Variants in SH3YL1 observed in about 807,000 individuals in gnomAD.
SH3YL1 encodes the protein SH3 and SYLF domain containing 1, also known as SH3 domain-containing YSC84-like protein 1.
Under a neutral mutation model 45.8 loss-of-function variants are expected in SH3YL1, and 41 were observed. That is an observed-to-expected ratio of 0.89 (90% CI 0.70 to 1.16). The LOEUF (loss-of-function observed/expected upper bound fraction) is 1.16. Ranked by LOEUF, SH3YL1 falls within the 50% of genes most tolerant of loss-of-function variation. The pLI is 0.00. For missense variants in SH3YL1, 389 were observed against 409.6 expected, an observed-to-expected ratio of 0.95 and a Z score of 0.43; for synonymous variants, 152 against 151.4, an observed-to-expected ratio of 1.00 and a Z score of -0.03.
At position 224,925 on chromosome 2, in the gene SH3YL1, C is replaced by A. The variant is rs1667730164; in HGVS notation, c.782-5G>T. ...GCTTATATTCATTTCTGTTACCTGCCAAAAAAGAGGAGAGTGGTGATTTTG... is the reference window on the plus strand; with the variant it reads ...GCTTATATTCATTTCTGTTACCTGCAAAAAAAGAGGAGAGTGGTGATTTTG... On this transcript the variant is annotated splice_polypyrimidine_tract_variant and splice_region_variant and intron_variant, in intron 8 of 9. Transcript: ENST00000356150. 6.2e-7 allele frequency: 1 copy of A among 1,606,744 alleles called. No individual in the cohort carries two copies. Among genetic ancestry groups the A allele is most frequent in the Non-Finnish European group, 8.5e-7 (1 of 1,174,264 alleles).
chr2:242,704 G>C, intron 4 of SH3YL1: 1 of 1,378,010 alleles, frequency 7.3e-7, no homozygotes, highest in Non-Finnish European at 9.4e-7. Flanking sequence ...TAAAAAGGCA[G>C]AGATTATTAG....
At chr2:252,974 G>A (rs1227144259) in intron 2 of SH3YL1, 31 bp downstream of exon 2, 3 of 1,312,330 alleles carry the variant, frequency 2.3e-6, no homozygotes, top group Non-Finnish European at 3.2e-6. Flanking sequence ...AAGACATTTA[G>A]AGACAAACAG....
chr2:258,194 G>A (rs1219800233), intron 1 of SH3YL1, among the ~76,000 whole-genome samples: 1 of 152,178 alleles, frequency 6.6e-6, no homozygotes, highest in African/African-American at 2.4e-5. Flanking sequence ...TGTGAAGAAT[G>A]ATATTGGTAG....
intron 4 of SH3YL1, among the ~76,000 whole-genome samples, chr2:242,337 G>A (rs1668579616): frequency 6.6e-6 from 1 of 151,910 alleles, no homozygotes; most frequent in Non-Finnish European, 1.5e-5. Flanking sequence ...ATTGCTGAGT[G>A]TGTATCATAT....
chr2:257,813 T>C (rs1669412035), intron 1 of SH3YL1, among the ~76,000 whole-genome samples: 1 of 152,194 alleles, frequency 6.6e-6, no homozygotes, highest in African/African-American at 2.4e-5. Context: ...TTAATCCATC[T>C]TGAATTGTTT....
Position 263,993 on chromosome 2 carries a change from C to T in SH3YL1, c.-9G>A. On this transcript the variant is annotated 5_prime_UTR_variant, in exon 1 of 10. Coordinates refer to ENST00000356150, the MANE Select transcript of SH3YL1 (RefSeq NM_015677.4). Reference sequence around the variant, plus strand: ...GTCCCCGGGTACTCACTGCTGCCCGCCCGGCCGCGGCGCCCCGTCCCGAGG... The same window carrying T: ...GTCCCCGGGTACTCACTGCTGCCCGTCCGGCCGCGGCGCCCCGTCCCGAGG... 4.1e-6 allele frequency: 6 copies of T among 1,459,016 alleles called. No homozygotes were observed. Among genetic ancestry groups the T allele is most frequent in the Non-Finnish European group, 5.5e-6 (6 of 1,100,228 alleles). 90.4% of individuals were successfully genotyped at this position (1,459,016 alleles called of 1,614,324 possible).
intron 4 of SH3YL1, among the ~76,000 whole-genome samples, chr2:244,940 C>T (rs906531468): frequency 1.3e-5 from 2 of 151,990 alleles, no homozygotes; most frequent in Non-Finnish European, 2.9e-5. Flanking sequence ...TCAGGAAGGA[C>T]GTGTCTACCC....
At chr2:261,799 C>T (rs1669600948) in intron 1 of SH3YL1, among the ~76,000 whole-genome samples, 1 of 152,170 alleles carries the variant, frequency 6.6e-6, no homozygotes, top group Admixed American at 6.5e-5. Context: ...CCACCACTTT[C>T]CTTACCAGAG....
In SH3YL1 at chr2:234,189, G is replaced by A. The variant is rs751382667; in HGVS notation, c.375C>T (p.Asn125=). 1 of 1,614,038 alleles carries A rather than the reference G, an allele frequency of 6.2e-7. No individual in the cohort carries two copies. The highest frequency in any genetic ancestry group is 2.2e-5 in the East Asian group (1 of 44,872). Residue 125 remains asparagine (N), a synonymous_variant, in exon 5 of 10, where the codon AAC becomes AAT. Transcript: ENST00000356150. ...AKGGNLTLGG[N]LTVAVGPLGR... ...CCAAGGGCCCAACCGCCACAGTCAA[G>A]TTCCCTCCGAGGGTCAGATTTCCGC...
At chr2:228,704 C>A (rs1030992850) in intron 8 of SH3YL1, among the ~76,000 whole-genome samples, 32 of 151,982 alleles carry the variant, frequency 2.1e-4, no homozygotes, top group Non-Finnish European at 4.3e-4. Context: ...ACGGCTTATC[C>A]CAGAAGAACA....
At chr2:220,103 C>T (rs1667508471) in intron 9 of SH3YL1, among the ~76,000 whole-genome samples, 1 of 150,480 alleles carries the variant, frequency 6.6e-6, no homozygotes, top group South Asian at 2.1e-4. Context: ...TAATTCTGTG[C>T]ATAAATTAGG....
rs1295639581 is a variant in SH3YL1, at chr2:264,022, C to T, written c.-38G>A. On this transcript the variant is annotated 5_prime_UTR_variant, in exon 1 of 10. Coordinates refer to ENST00000356150, the MANE Select transcript of SH3YL1 (RefSeq NM_015677.4). ...GCCGCGGCGCCCCGTCCCGAGGCTGCCCAGGAAGAGGAAGGCGCGCTGCCC... is the reference window on the plus strand; with the variant it reads ...GCCGCGGCGCCCCGTCCCGAGGCTGTCCAGGAAGAGGAAGGCGCGCTGCCC... 1.4e-6 allele frequency: 2 copies of T among 1,411,330 alleles called. No homozygotes were observed. The highest frequency in any genetic ancestry group is 1.9e-6 in the Non-Finnish European group (2 of 1,076,120). 87.4% of individuals were successfully genotyped at this position (1,411,330 alleles called of 1,614,324 possible).
chr2:230,051 G>A lies in SH3YL1; in HGVS notation c.703-7C>T. Reference sequence around the variant, plus strand: ...TTGGAGGTAATTCTTTAGCCTGGGAGAAACAAAAAGATAAATACACATAAT... The same window carrying A: ...TTGGAGGTAATTCTTTAGCCTGGGAAAAACAAAAAGATAAATACACATAAT... On this transcript the variant is annotated splice_polypyrimidine_tract_variant and splice_region_variant and intron_variant, in intron 7 of 9. Coordinates refer to ENST00000356150, the MANE Select transcript of SH3YL1 (RefSeq NM_015677.4). 1 of 1,587,902 alleles carries A rather than the reference G, an allele frequency of 6.3e-7. No individual in the cohort carries two copies. Among genetic ancestry groups the A allele is most frequent in the Admixed American group, 1.8e-5 (1 of 55,464 alleles).
intron 8 of SH3YL1, among the ~76,000 whole-genome samples, chr2:228,829 T>G (rs1029182881): frequency 5.3e-5 from 8 of 152,168 alleles, no homozygotes; most frequent in Non-Finnish European, 1.2e-4. Context: ...AAGAATCATA[T>G]GAGGGACTTG....
chr2:219,357 A>G (rs2103013757), intron 9 of SH3YL1, among the ~76,000 whole-genome samples: 1 of 152,276 alleles, frequency 6.6e-6, no homozygotes, highest in South Asian at 2.1e-4. Context: ...TGATGGTGTT[A>G]GAAGTGGGGT....
rs927151550 is a variant in SH3YL1 at position 218,687 on chromosome 2, C to T, written c.*124G>A. ...ATAGAAAAACAAAATCTTTTACATA[C>T]GGAATGGAAATTTTGTAGAACAGAA... On this transcript the variant is annotated 3_prime_UTR_variant, in exon 10 of 10. Transcript: ENST00000356150. 16 of 800,162 alleles carry T rather than the reference C, an allele frequency of 2.0e-5. No individual in the cohort carries two copies. The highest frequency in any genetic ancestry group is 8.7e-5 in the African/African-American group (5 of 57,222). 49.6% of individuals were successfully genotyped at this position (800,162 alleles called of 1,614,324 possible).
chr2:260,392 T>C (rs527326927), intron 1 of SH3YL1: 1 of 152,346 alleles, frequency 6.6e-6, no homozygotes, highest in South Asian at 2.1e-4. Context: ...TGGAGTGGAT[T>C]GGGTGACCCG....
intron 4 of SH3YL1, among the ~76,000 whole-genome samples, chr2:238,460 A>T (rs184233293): frequency 2.0e-5 from 3 of 152,182 alleles, no homozygotes; most frequent in African/African-American, 7.2e-5. Flanking sequence ...TTTATCCTCA[A>T]CTTAAACCCA....
At position 218,845 on chromosome 2, in the gene SH3YL1, C is replaced by T; in HGVS notation, c.995G>A (p.Gly332Asp). ...WWEGKLRGQT[G>D]IFPANYVTMN ...GGTTACGTAGTTGGCTGGAAAAATG[C>T]CAGTTTGACCTCGAAGTTTTCCTTC... Residue 332 changes from glycine (G) to aspartate (D), a missense_variant, in exon 10 of 10, where the codon GGC (glycine) becomes GAC (aspartate). By Grantham distance (94) the Gly-to-Asp change is moderately conservative. Coordinates refer to ENST00000356150, the MANE Select transcript of SH3YL1 (RefSeq NM_015677.4). The T allele has an allele frequency of 1.2e-6, 2 of 1,613,518 alleles. No homozygotes were observed. The highest frequency in any genetic ancestry group is 1.7e-6 in the Non-Finnish European group (2 of 1,179,698).
Sources: allele counts gnomAD v4.1 joint callset (sites outside exome capture counted in the v4.1 genomes callset), GRCh38; gene constraint gnomAD v4.1.1; transcripts MANE v1.5; gene names NCBI Gene and HGNC (gene_info 2026-07-23, HGNC 2026-07-21).